NCAM1: variants seen among roughly 807,000 people sequenced by gnomAD.
The protein encoded by NCAM1 is antigen recognized by monoclonal antibody 5.1H11.
A neutral mutation model predicts 109.8 loss-of-function variants in NCAM1; 14 were observed. That is an observed-to-expected ratio of 0.13 (90% CI 0.08 to 0.20). NCAM1 has a LOEUF of 0.20. NCAM1 is among the 10% of genes least tolerant of loss of function. NCAM1 has a pLI of 1.00. For synonymous variants in NCAM1, 418 were observed against 442.9 expected, an observed-to-expected ratio of 0.94 and a Z score of 0.70; for missense variants, 774 against 1,109.9, an observed-to-expected ratio of 0.70 and a Z score of 4.30.
chr11:113,025,801 G>C (rs1232631960), intron 1 of NCAM1, among the ~76,000 whole-genome samples: 4 of 149,514 alleles, frequency 2.7e-5, no homozygotes, highest in Admixed American at 6.7e-5. Context: ...GAGAGAGAGA[G>C]AGAGAGAGAG....
rs145202690 is a variant in NCAM1, at chr11:113,194,134, C to T, written c.53-8245C>T. Among the ~76,000 whole-genome samples the T allele has an allele frequency of 3.0e-3, 450 of 152,236 alleles. 3 individuals are homozygous for T. The highest frequency in any genetic ancestry group is 0.01 in the African/African-American group (416 of 41,528). On this transcript the variant is annotated intron_variant, in intron 1 of 19. Coordinates refer to ENST00000316851, the MANE Select transcript of NCAM1 (RefSeq NM_181351.5). ...TAATTTATTATGCTAAGAAATAGAG[C>T]CTCCTGCTTCTGGCTAGTTGGTTTC...
intron 1 of NCAM1, among the ~76,000 whole-genome samples, chr11:113,163,124 AC>A (rs1942658666): frequency 6.6e-6 from 1 of 152,162 alleles, no homozygotes; most frequent in Non-Finnish European, 1.5e-5. Context: ...TCATCTGGCA[AC>A]CTCAAACTCT....
chr11:113,231,830 AG>A, intron 10 of NCAM1, 35 bp downstream of exon 10: 3 of 1,612,722 alleles, frequency 1.9e-6, no homozygotes, highest in Middle Eastern at 1.7e-4. Flanking sequence ...TGGGGGAGGG[AG>A]GGGCAAGGCA....
chr11:112,972,009 G>A (rs1231057811), intron 1 of NCAM1, among the ~76,000 whole-genome samples: 1 of 152,166 alleles, frequency 6.6e-6, no homozygotes, highest in Non-Finnish European at 1.5e-5. Context: ...AAATAACAAA[G>A]CAACCAGCAA....
intron 1 of NCAM1, among the ~76,000 whole-genome samples, chr11:113,192,499 T>C (rs1943712577): frequency 1.3e-5 from 2 of 152,284 alleles, no homozygotes; most frequent in South Asian, 4.1e-4. Flanking sequence ...AGGCACTGGA[T>C]GGATTAATCA....
At chr11:113,049,827 C>G (rs1953401668) in intron 1 of NCAM1, among the ~76,000 whole-genome samples, 1 of 152,178 alleles carries the variant, frequency 6.6e-6, no homozygotes, top group Admixed American at 6.5e-5. Flanking sequence ...TGTGTCTGTC[C>G]TATTGACAAA....
At chr11:113,175,990 A>G (rs890116435) in intron 1 of NCAM1, among the ~76,000 whole-genome samples, 39 of 152,308 alleles carry the variant, frequency 2.6e-4, no homozygotes, top group Non-Finnish European at 2.2e-4. Flanking sequence ...TACTCCCAAA[A>G]TATGTATACA....
intron 7 of NCAM1, among the ~76,000 whole-genome samples, chr11:113,211,839 G>C (rs1161652169): frequency 6.6e-6 from 1 of 152,196 alleles, no homozygotes; most frequent in East Asian, 1.9e-4. Context: ...AGTAGACAAG[G>C]CTGCCTCTTA....
chr11:113,148,816 C>CTCT (rs1565464052), intron 1 of NCAM1, among the ~76,000 whole-genome samples: 6 of 152,208 alleles, frequency 3.9e-5, no homozygotes, highest in African/African-American at 1.2e-4. Flanking sequence ...TGCTTGGCTC[C>CTCT]AAGGCAAGGG....
At chr11:113,086,512 G>A (rs1555088345) in intron 1 of NCAM1, among the ~76,000 whole-genome samples, 1 of 152,192 alleles carries the variant, frequency 6.6e-6, no homozygotes, top group African/African-American at 2.4e-5. Context: ...TATTTGAAAG[G>A]ACTCTACAGT....
chr11:113,116,085 A>G (rs1444100702), intron 1 of NCAM1, among the ~76,000 whole-genome samples: 1 of 152,258 alleles, frequency 6.6e-6, no homozygotes, highest in Non-Finnish European at 1.5e-5. Flanking sequence ...AGATTATGCA[A>G]AAATTCATGG....
intron 1 of NCAM1, chr11:113,197,213 T>G (rs1555110990): frequency 1.9e-5 from 5 of 261,528 alleles, no homozygotes; most frequent in Admixed American, 1.8e-4. Context: ...GTGATGAGAT[T>G]TGGGTGGGGA....
chr11:113,166,674 C>T (rs1185789487), intron 1 of NCAM1, among the ~76,000 whole-genome samples: 8 of 152,028 alleles, frequency 5.3e-5, no homozygotes, highest in Admixed American at 5.2e-4. Flanking sequence ...CATGGGGAAG[C>T]CTTTCAGATC....
intron 17 of NCAM1, among the ~76,000 whole-genome samples, chr11:113,262,320 C>T (rs1008406582): frequency 4.6e-5 from 7 of 152,196 alleles, no homozygotes; most frequent in South Asian, 4.1e-4. Context: ...CATAGTGCAG[C>T]GATCCAATGC....
At chr11:113,243,764 C>T (rs1484930352) in intron 14 of NCAM1, 2 of 289,182 alleles carry the variant, frequency 6.9e-6, no homozygotes, top group African/African-American at 4.3e-5. Context: ...TACATCCCAT[C>T]AAGCAGAACA....
intron 1 of NCAM1, among the ~76,000 whole-genome samples, chr11:113,085,556 A>T (rs1371256563): frequency 4.6e-5 from 7 of 152,076 alleles, no homozygotes; most frequent in African/African-American, 1.4e-4. Context: ...TAACTAGGTG[A>T]TTGGGGAATC....
intron 1 of NCAM1, among the ~76,000 whole-genome samples, chr11:113,092,593 A>T (rs1445879982): frequency 6.6e-6 from 1 of 152,202 alleles, no homozygotes; most frequent in African/African-American, 2.4e-5. Flanking sequence ...TTGCAATTAT[A>T]TGAAAGTCTA....
chr11:113,171,935 A>G (rs1323354610), intron 1 of NCAM1, among the ~76,000 whole-genome samples: 2 of 152,146 alleles, frequency 1.3e-5, no homozygotes, highest in Non-Finnish European at 2.9e-5. Flanking sequence ...CATTCTTATG[A>G]AAAGGGAAAA....
chr11:113,215,800 T>C (rs1235178749), intron 8 of NCAM1, among the ~76,000 whole-genome samples: 1 of 152,250 alleles, frequency 6.6e-6, no homozygotes, highest in Non-Finnish European at 1.5e-5. Context: ...ACTTGGATAC[T>C]TTCTTTATCA....
Sources: gnomAD v4.1 joint callset for allele counts (sites outside exome capture counted in the v4.1 genomes callset) on GRCh38, gnomAD v4.1.1 for gene constraint, MANE v1.5 for transcripts, NCBI Gene and HGNC (gene_info 2026-07-23, HGNC 2026-07-21) for gene names.